FRAS1: variants seen among roughly 807,000 people sequenced by gnomAD.
FRAS1 encodes the protein Fraser extracellular matrix complex subunit 1, also known as extracellular matrix organizing protein FRAS1.
A neutral mutation model predicts 435.2 loss-of-function variants in FRAS1; 290 were observed. The ratio of observed to expected loss-of-function variants is 0.67; its 90% confidence interval spans 0.61 to 0.73. The LOEUF (loss-of-function observed/expected upper bound fraction) is 0.73. Among genes scored for constraint, FRAS1 ranks in the 30% least tolerant of loss-of-function variants. The pLI is 0.00. For synonymous variants in FRAS1, 1,800 were observed against 1,851.0 expected (o/e 0.97, Z 0.71); for missense variants, 4,860 against 5,001.5 (o/e 0.97, Z 0.85).
intron 1 of FRAS1, among the ~76,000 whole-genome samples, chr4:78,063,311 T>TATTG (rs1199239603): frequency 6.6e-6 from 1 of 152,116 alleles, no homozygotes. Flanking sequence ...CTGCATCTGG[T>TATTG]ATTGGGTGAT....
intron 23 of FRAS1, among the ~76,000 whole-genome samples, chr4:78,371,146 A>G (rs768263784): frequency 6.6e-6 from 1 of 151,202 alleles, no homozygotes; most frequent in Non-Finnish European, 1.5e-5. Context: ...GTGAAAAACA[A>G]GATTATCACA....
At position 78,519,326 on chromosome 4, in the gene FRAS1, G is replaced by T; in HGVS notation, c.10390-5G>T. The T allele has an allele frequency of 6.6e-7, 1 of 1,519,854 alleles. No homozygotes were observed. Among genetic ancestry groups the T allele is most frequent in the Non-Finnish European group, 8.8e-7 (1 of 1,138,346 alleles). 94.1% of individuals were successfully genotyped at this position (1,519,854 alleles called of 1,614,324 possible). ...AACTCTGTGTGCATACTGCTTCCTC[G>T]GCAGGTGAGGGACTCTGCCCAGTCC... is the stretch of plus-strand genomic sequence containing the variant. On this transcript the variant is annotated splice_polypyrimidine_tract_variant and splice_region_variant and intron_variant, in intron 66 of 73. Transcript: ENST00000512123.
At chr4:78,279,992 A>G (rs1306462098) in intron 10 of FRAS1, among the ~76,000 whole-genome samples, 1 of 152,208 alleles carries the variant, frequency 6.6e-6, no homozygotes, top group Non-Finnish European at 1.5e-5. Context: ...CACTTATCAC[A>G]CACTGTGGCT....
At chr4:78,145,733 G>A (rs992318761) in intron 2 of FRAS1, among the ~76,000 whole-genome samples, 1 of 152,132 alleles carries the variant, frequency 6.6e-6, no homozygotes, top group Non-Finnish European at 1.5e-5. Flanking sequence ...GATATGGTTT[G>A]GCTGTGTCCC....
chr4:78,136,976 T>TTCACA (rs1456910724), intron 2 of FRAS1, among the ~76,000 whole-genome samples: 58 of 152,226 alleles, frequency 3.8e-4, no homozygotes, highest in African/African-American at 1.3e-3. Flanking sequence ...CACAGTGGAG[T>TTCACA]GGGCACCAGC....
chr4:78,133,427 A>G (rs541783246), intron 2 of FRAS1, among the ~76,000 whole-genome samples: 6 of 152,288 alleles, frequency 3.9e-5, no homozygotes, highest in Admixed American at 1.3e-4. Flanking sequence ...ACAAAAAGTT[A>G]GAATGAATGA....
intron 2 of FRAS1, among the ~76,000 whole-genome samples, chr4:78,196,916 G>GT (rs1372201991): frequency 6.6e-6 from 1 of 152,132 alleles, no homozygotes; most frequent in African/African-American, 2.4e-5. Flanking sequence ...TTTTGAAACT[G>GT]AAGTTGAGAA....
chr4:78,113,699 T>C (rs1167239042), intron 2 of FRAS1, among the ~76,000 whole-genome samples: 1 of 152,186 alleles, frequency 6.6e-6, no homozygotes, highest in Non-Finnish European at 1.5e-5. Context: ...TGTAAATTTG[T>C]TTGAGTTCAT....
rs1560649268 is a variant in FRAS1 at position 78,315,575 on chromosome 4, G to A, written c.1679-19G>A. On this transcript the variant is annotated intron_variant, in intron 15 of 73. Transcript: ENST00000512123. ...GCTCACTATTGCCTTTCTCTGATGGGTTTTTTGCCTCCCCTTAGCTTGTGA... is the reference window on the plus strand; with the variant it reads ...GCTCACTATTGCCTTTCTCTGATGGATTTTTTGCCTCCCCTTAGCTTGTGA... 6.3e-7 allele frequency: 1 copy of A among 1,597,874 alleles called. No individual in the cohort carries two copies. Among genetic ancestry groups the A allele is most frequent in the South Asian group, 1.1e-5 (1 of 88,210 alleles).
intron 2 of FRAS1, among the ~76,000 whole-genome samples, chr4:78,195,773 C>A (rs749026411): frequency 1.3e-5 from 2 of 152,010 alleles, no homozygotes; most frequent in Non-Finnish European, 2.9e-5. Flanking sequence ...TGCGCTGCAC[C>A]CACTGTCCTG....
intron 58 of FRAS1, among the ~76,000 whole-genome samples, chr4:78,484,271 A>G (rs1210439544): frequency 6.6e-6 from 1 of 152,138 alleles, no homozygotes; most frequent in Non-Finnish European, 1.5e-5. Flanking sequence ...TGGATTTACC[A>G]CCATTTGTTT....
intron 2 of FRAS1, among the ~76,000 whole-genome samples, chr4:78,097,569 C>G (rs974301302): frequency 2.2e-4 from 33 of 152,200 alleles, no homozygotes; most frequent in Non-Finnish European, 3.5e-4. Flanking sequence ...GAGCAAGTCA[C>G]ATCTTACATG....
In FRAS1 at chr4:78,429,075, T is replaced by G; in HGVS notation, c.4712-20T>G. ...GTGTGTGTGTGTGTCTCTGTGTGTG[T>G]GTGCATTTATCCTTTTTAGTTTCAG... On this transcript the variant is annotated intron_variant, in intron 35 of 73. Transcript: ENST00000512123. The G allele has an allele frequency of 6.4e-7, 1 of 1,551,170 alleles. No individual in the cohort carries two copies. The highest frequency in any genetic ancestry group is 1.4e-5 in the African/African-American group (1 of 73,106).
intron 45 of FRAS1, among the ~76,000 whole-genome samples, chr4:78,450,830 T>G (rs917228458): frequency 6.6e-6 from 1 of 152,180 alleles, no homozygotes; most frequent in Admixed American, 6.5e-5. Flanking sequence ...GCTGATGTAA[T>G]GTAAAGGCAT....
At chr4:78,138,498 A>G (rs1720022417) in intron 2 of FRAS1, among the ~76,000 whole-genome samples, 1 of 152,130 alleles carries the variant, frequency 6.6e-6, no homozygotes, top group East Asian at 1.9e-4. Flanking sequence ...GGGTTATGCA[A>G]TTTCTCTTAA....
chr4:78,270,737 A>G (rs1196237393), intron 9 of FRAS1, among the ~76,000 whole-genome samples: 1 of 152,116 alleles, frequency 6.6e-6, no homozygotes, highest in Non-Finnish European at 1.5e-5. Context: ...CATTACATGC[A>G]TATCAACTCT....
intron 72 of FRAS1, 87 bp downstream of exon 72, chr4:78,537,287 C>T: frequency 8.2e-7 from 1 of 1,218,654 alleles, no homozygotes; most frequent in Non-Finnish European, 1.2e-6. Context: ...GTAGATAGAG[C>T]TCACTCTTGA....
intron 45 of FRAS1, 115 bp downstream of exon 45, chr4:78,450,454 G>A: frequency 2.4e-6 from 2 of 823,542 alleles, no homozygotes; most frequent in Non-Finnish European, 4.0e-6. Flanking sequence ...TTGTTTTGAG[G>A]AGCTTCATTT....
chr4:78,510,871 A>G (rs17003293), intron 63 of FRAS1, among the ~76,000 whole-genome samples: 46,918 of 152,138 alleles, frequency 0.31, 7,723 homozygotes, highest in South Asian at 0.52. Context: ...GGAAGGAAGC[A>G]TATTTCCTCT....
Sources: allele counts gnomAD v4.1 joint callset (sites outside exome capture counted in the v4.1 genomes callset), GRCh38; gene constraint gnomAD v4.1.1; transcripts MANE v1.5; gene names NCBI Gene and HGNC (gene_info 2026-07-23, HGNC 2026-07-21).